The following PPP4R4 variants were observed in gnomAD, a reference collection of about 807,000 sequenced individuals.
PPP4R4 encodes serine/threonine-protein phosphatase 4 regulatory subunit 4.
A neutral mutation model predicts 121.8 loss-of-function variants in PPP4R4; 70 were observed. That is an observed-to-expected ratio of 0.57 (90% CI 0.47 to 0.70). The LOEUF is 0.70. PPP4R4 is among the 30% of genes least tolerant of loss of function. PPP4R4 has a pLI of 0.00. For missense variants in PPP4R4, 875 were observed against 1,033.6 expected, an observed-to-expected ratio of 0.85 and a Z score of 2.10; for synonymous variants, 348 against 355.7, an observed-to-expected ratio of 0.98 and a Z score of 0.24.
chr14:94,270,794 T>C (rs1180258395), intron 23 of PPP4R4, among the ~76,000 whole-genome samples: 2 of 151,774 alleles, frequency 1.3e-5, no homozygotes, highest in Admixed American at 1.3e-4. Context: ...GGTGTGCACC[T>C]ATGGTCCCAG....
chr14:94,187,423 T>C lies in PPP4R4; in HGVS notation c.191+11296T>C, dbSNP rs573961173. On this transcript the variant is annotated intron_variant, in intron 2 of 24. Transcript: ENST00000304338. ...TATCTTTTTCTGTCCTTTTAATTAA[T>C]TTTTTAAATTTCAGAATAATTTTAA... 2.0e-5 allele frequency among the ~76,000 whole-genome samples: 3 copies of C among 152,320 alleles called. No individual in the cohort carries two copies. The South Asian group carries it at 6.2e-4, about 32-fold the overall frequency.
chr14:94,232,740 A>C (rs1332512082), intron 5 of PPP4R4, among the ~76,000 whole-genome samples: 1 of 152,176 alleles, frequency 6.6e-6, no homozygotes, highest in African/African-American at 2.4e-5. Context: ...CATTTTAAAT[A>C]GATGAGAAAC....
intron 3 of PPP4R4, among the ~76,000 whole-genome samples, chr14:94,210,321 A>G (rs530710621): frequency 3.9e-5 from 6 of 152,020 alleles, no homozygotes; most frequent in Admixed American, 2.6e-4. Flanking sequence ...ATCAAAGTGT[A>G]TAAAGAATAT....
At chr14:94,209,080 G>A (rs1054198125) in intron 3 of PPP4R4, among the ~76,000 whole-genome samples, 2 of 151,782 alleles carry the variant, frequency 1.3e-5, no homozygotes, top group Non-Finnish European at 2.9e-5. Flanking sequence ...GAACAAAAAT[G>A]TTTGATCTAT....
chr14:94,253,408 C>T (rs554763797), intron 16 of PPP4R4, among the ~76,000 whole-genome samples: 5 of 152,132 alleles, frequency 3.3e-5, no homozygotes, highest in Admixed American at 2.0e-4. Flanking sequence ...TGCAGTGAAC[C>T]GAGATCACAC....
chr14:94,226,128 T>G (rs1226452162), intron 3 of PPP4R4, among the ~76,000 whole-genome samples: 1 of 152,210 alleles, frequency 6.6e-6, no homozygotes, highest in Non-Finnish European at 1.5e-5. Flanking sequence ...GATTCTAATT[T>G]ATTACGTTTA....
intron 2 of PPP4R4, among the ~76,000 whole-genome samples, chr14:94,183,154 G>A (rs1162053235): frequency 2.0e-5 from 3 of 152,094 alleles, no homozygotes; most frequent in Non-Finnish European, 2.9e-5. Flanking sequence ...TGTGTGATTA[G>A]TTTTTCTTAG....
intron 8 of PPP4R4, among the ~76,000 whole-genome samples, chr14:94,238,490 T>C (rs980683932): frequency 2.0e-5 from 3 of 152,222 alleles, no homozygotes; most frequent in Admixed American, 2.0e-4. Context: ...AATATTTTAA[T>C]GCTAGAGATC....
At chr14:94,189,944 A>T (rs1242187275) in intron 2 of PPP4R4, among the ~76,000 whole-genome samples, 1 of 152,122 alleles carries the variant, frequency 6.6e-6, no homozygotes, top group Non-Finnish European at 1.5e-5. Context: ...ATGATTGAAC[A>T]TGTCACTTTA....
chr14:94,244,867 T>C (rs538401423), intron 12 of PPP4R4, among the ~76,000 whole-genome samples, 155 bp downstream of exon 12: 7 of 152,236 alleles, frequency 4.6e-5, no homozygotes, highest in Non-Finnish European at 1.0e-4. Context: ...ATAAATAGGA[T>C]ATTGGGAAGA....
At chr14:94,275,737 C>T (rs1894604517) in intron 24 of PPP4R4, among the ~76,000 whole-genome samples, 1 of 152,152 alleles carries the variant, frequency 6.6e-6, no homozygotes, top group East Asian at 1.9e-4. Context: ...AGGGAATCAA[C>T]AGGAAACATT....
intron 1 of PPP4R4, 115 bp downstream of exon 1, chr14:94,174,697 C>G: frequency 6.8e-7 from 1 of 1,461,808 alleles, no homozygotes; most frequent in Non-Finnish European, 9.1e-7. Flanking sequence ...CGCCGGGACC[C>G]TCTCAGTCGG....
At chr14:94,271,025 G>T (rs1566706719) in intron 23 of PPP4R4, among the ~76,000 whole-genome samples, 1 of 151,868 alleles carries the variant, frequency 6.6e-6, no homozygotes, top group Non-Finnish European at 1.5e-5. Context: ...AAATTGAATT[G>T]GTAATTAATA....
chr14:94,207,532 G>A (rs1220946698), intron 2 of PPP4R4, among the ~76,000 whole-genome samples: 3 of 151,778 alleles, frequency 2.0e-5, no homozygotes, highest in Admixed American at 6.6e-5. Flanking sequence ...TCTTATGTAC[G>A]TATAACTACA....
At chr14:94,192,978 T>G (rs1334857680) in intron 2 of PPP4R4, among the ~76,000 whole-genome samples, 2 of 152,294 alleles carry the variant, frequency 1.3e-5, no homozygotes, top group South Asian at 2.1e-4. Context: ...TTATTCTTCG[T>G]GGAGGAGGGC....
chr14:94,202,337 G>T (rs1377754707), intron 2 of PPP4R4, among the ~76,000 whole-genome samples: 2 of 152,276 alleles, frequency 1.3e-5, no homozygotes, highest in Non-Finnish European at 2.9e-5. Context: ...AAGAAAATGT[G>T]TGTAAGATCT....
At chr14:94,262,022 G>T (rs913550313) in intron 19 of PPP4R4, among the ~76,000 whole-genome samples, 11 of 151,690 alleles carry the variant, frequency 7.3e-5, no homozygotes, top group Non-Finnish European at 1.5e-5. Context: ...TGTCATTTTT[G>T]GGATTAGATT....
At position 94,279,433 on chromosome 14, in the gene PPP4R4, A is replaced by G. The variant is rs1276773715; in HGVS notation, c.*790A>G. 1.3e-5 allele frequency: 2 copies of G among 152,614 alleles called. No homozygotes were observed. Among genetic ancestry groups the G allele is most frequent in the Non-Finnish European group, 2.9e-5 (2 of 68,022 alleles). The allele number at this position is 152,614 out of a possible 1,614,324, so 9.5% of individuals were successfully genotyped here. ...AAGCTATCATGCTTAAGCTATGTCAACAGCATTTATTTGTACTAATGCTAA... is the reference window on the plus strand; with the variant it reads ...AAGCTATCATGCTTAAGCTATGTCAGCAGCATTTATTTGTACTAATGCTAA... On this transcript the variant is annotated 3_prime_UTR_variant, in exon 25 of 25. Coordinates refer to ENST00000304338, the MANE Select transcript of PPP4R4 (RefSeq NM_058237.2).
At chr14:94,175,241 CTCTT>C (rs956242243) in intron 1 of PPP4R4, among the ~76,000 whole-genome samples, 2 of 151,920 alleles carry the variant, frequency 1.3e-5, no homozygotes, top group Non-Finnish European at 2.9e-5. Flanking sequence ...CCAGCCAGCA[CTCTT>C]TCTCAGTGTC....
Sources: gnomAD v4.1 joint callset for allele counts (sites outside exome capture counted in the v4.1 genomes callset) on GRCh38, gnomAD v4.1.1 for gene constraint, MANE v1.5 for transcripts, NCBI Gene and HGNC (gene_info 2026-07-23, HGNC 2026-07-21) for gene names.